The following KIF1B variants were observed in gnomAD, a reference collection of about 807,000 sequenced individuals.
The protein encoded by KIF1B is kinesin-like protein KIF1B.
Under a neutral mutation model 241.9 loss-of-function variants are expected in KIF1B, and 76 were observed. The ratio of observed to expected loss-of-function variants is 0.31; its 90% confidence interval spans 0.26 to 0.38. The LOEUF is 0.38. Among genes scored for constraint, KIF1B ranks in the 10% least tolerant of loss-of-function variants. The pLI is 1.00. For synonymous variants in KIF1B, 750 were observed against 796.7 expected (o/e 0.94, Z 0.99); for missense variants, 1,622 against 2,271.4 (o/e 0.71, Z 5.81).
At chr1:10,324,211 C>A in intron 25 of KIF1B, 149 bp downstream of exon 25, 1 of 756,328 alleles carries the variant, frequency 1.3e-6, no homozygotes, top group Admixed American at 2.2e-5. Flanking sequence ...AATGGTATTA[C>A]CATCCATCTG....
chr1:10,333,251 C>G (rs1223875457), intron 27 of KIF1B, among the ~76,000 whole-genome samples: 1 of 149,814 alleles, frequency 6.7e-6, no homozygotes, highest in Non-Finnish European at 1.5e-5. Flanking sequence ...CAGGGAGAAA[C>G]CCAGCCTACT....
intron 32 of KIF1B, among the ~76,000 whole-genome samples, chr1:10,341,523 G>A (rs935395344): frequency 6.6e-6 from 1 of 152,232 alleles, no homozygotes; most frequent in Non-Finnish European, 1.5e-5. Context: ...AGGACAACAG[G>A]GGCCAAGATC....
chr1:10,214,937 A>C (rs553189881), intron 1 of KIF1B, among the ~76,000 whole-genome samples: 1 of 151,560 alleles, frequency 6.6e-6, no homozygotes, highest in East Asian at 1.9e-4. Flanking sequence ...TTTTCATTTT[A>C]GTACAATTTA....
chr1:10,350,772 C>A (rs1652763782), intron 37 of KIF1B, among the ~76,000 whole-genome samples: 1 of 151,862 alleles, frequency 6.6e-6, no homozygotes, highest in African/African-American at 2.4e-5. Flanking sequence ...GAATTCTGTC[C>A]ACAGAGTGCT....
chr1:10,296,863 T>G (rs112743061), intron 20 of KIF1B, 34 bp from the exon 21 acceptor site: 1 of 1,591,090 alleles, frequency 6.3e-7, no homozygotes, highest in Non-Finnish European at 8.6e-7. Context: ...TTAAAAAAAT[T>G]ATTTCTTAAC....
chr1:10,358,558 A>G (rs1252742509), intron 38 of KIF1B, among the ~76,000 whole-genome samples: 1 of 151,862 alleles, frequency 6.6e-6, no homozygotes, highest in African/African-American at 2.4e-5. Context: ...ACAGGAACAC[A>G]ATAAAAGAGC....
chr1:10,376,796 A>C lies in KIF1B; in HGVS notation c.*209A>C. On this transcript the variant is annotated 3_prime_UTR_variant, in exon 49 of 49. Coordinates refer to ENST00000676179, the MANE Select transcript of KIF1B (RefSeq NM_001365951.3). ...TTTTTCTTGTGCTGAGAATCTCGTT[A>C]GTAGCATGTGGCCTAACAAAAGGAA... 7 of 572,774 alleles carry C rather than the reference A, an allele frequency of 1.2e-5. 1 individual carries two copies. Among genetic ancestry groups the C allele is most frequent in the South Asian group, 1.1e-4 (6 of 54,456 alleles). The allele number at this position is 572,774 out of a possible 1,614,324, so 35.5% of individuals were successfully genotyped here.
chr1:10,303,537 C>T lies in KIF1B; in HGVS notation c.2115+6291C>T. On this transcript the variant is annotated intron_variant, in intron 22 of 48. Coordinates refer to ENST00000676179, the MANE Select transcript of KIF1B (RefSeq NM_001365951.3). This position sits in a 1 kb window ranked among gnomAD's most constrained non-coding sequence, Gnocchi z 5.2. ...AGAAAGACCCCAATGAGCGGGACTC[C>T]TGGAGGGCAGTGGCCAGGGACGTCT... 6.2e-7 allele frequency: 1 copy of T among 1,614,146 alleles called. No individual in the cohort carries two copies.
At position 10,321,711 on chromosome 1, in the gene KIF1B, C is replaced by T; in HGVS notation, c.2212C>T (p.Pro738Ser). ...ATATGCATCATTCATTCTTTCAGTT[C>T]CTTGGACACAGCATGAATTTGAGTT... ...TEEEEEEEEV[P>S]WTQHEFELAQ... Residue 738 changes from proline to serine, a missense_variant and splice_region_variant, in exon 24 of 49, where the codon CCT (proline) becomes TCT (serine). Physicochemically the swap from Pro to Ser is moderately conservative, Grantham distance 74. This residue lies in a region of KIF1B where 803 missense variants were observed against 1,112.0 expected (regional missense o/e 0.72). Transcript: ENST00000676179. The T allele has an allele frequency of 1.2e-6, 2 of 1,613,966 alleles. No homozygotes were observed. Among genetic ancestry groups the T allele is most frequent in the Non-Finnish European group, 1.7e-6 (2 of 1,179,840 alleles).
chr1:10,220,097 G>A (rs1646821249), intron 1 of KIF1B, among the ~76,000 whole-genome samples: 1 of 151,756 alleles, frequency 6.6e-6, no homozygotes, highest in Non-Finnish European at 1.5e-5. Flanking sequence ...AGCTACTCGG[G>A]AGGCTGAAGT....
chr1:10,243,898 G>C (rs1004800781), intron 2 of KIF1B, among the ~76,000 whole-genome samples: 10 of 152,238 alleles, frequency 6.6e-5, no homozygotes, highest in Admixed American at 5.9e-4. Flanking sequence ...TGAAATCTAG[G>C]CCTTGCAAAT....
At chr1:10,233,108 C>T (rs1285363572) in intron 2 of KIF1B, among the ~76,000 whole-genome samples, 1 of 152,180 alleles carries the variant, frequency 6.6e-6, no homozygotes, top group Non-Finnish European at 1.5e-5. Flanking sequence ...GCACAAGTTA[C>T]TGCTGAAGTA....
In KIF1B at chr1:10,273,709, C is replaced by CAA. The variant is rs56349613; in HGVS notation, c.882+707_882+708dup. Among the ~76,000 whole-genome samples the CAA allele has an allele frequency of 4.7e-3, 234 of 49,560 alleles. 9 individuals are homozygous for CAA. Among genetic ancestry groups the CAA allele is most frequent in the African/African-American group, 0.012 (149 of 12,658 alleles). 32.5% of individuals were successfully genotyped at this position (49,560 alleles called of 152,430 possible). A position where few individuals can be genotyped will look rare whatever the true frequency, so the allele number is the denominator to read the frequency against. Reference sequence around the variant, plus strand: ...GCCTACTCCCTTTCCTCCTCCTCCTCAAAAAAAAAAAAAAAAAAAAAAAAA... The same window carrying CAA: ...GCCTACTCCCTTTCCTCCTCCTCCTCAAAAAAAAAAAAAAAAAAAAAAAAAAA... On this transcript the variant is annotated intron_variant, in intron 10 of 48. Transcript: ENST00000676179.
chr1:10,288,656 T>C (rs1300514056), intron 15 of KIF1B, among the ~76,000 whole-genome samples: 1 of 152,202 alleles, frequency 6.6e-6, no homozygotes, highest in Non-Finnish European at 1.5e-5. Flanking sequence ...CCTTCTTTAA[T>C]CTGTTTTGCT....
chr1:10,326,359 G>C lies in KIF1B; in HGVS notation c.2924G>C (p.Arg975Thr). ...TCCCCTTGGTTCATTTTAGTGGGAA[G>C]GTTGGTGAGGTTATTGTGAGAAAGG... ...DRSPWFILVGRAFVYLSNLLY... is the reference protein window; with the variant it reads ...DRSPWFILVGTAFVYLSNLLY... The change falls in exon 27 of 49, where the codon AGG becomes ACG. Residue 975 changes from arginine (R) to threonine (T), a missense_variant and splice_region_variant. Physicochemically the swap from Arg to Thr is moderately conservative, Grantham distance 71. Around this residue, in one of 7 missense-constraint regions of KIF1B, gnomAD observed 803 missense variants for 1,112.0 expected, o/e 0.72. Coordinates refer to ENST00000676179, the MANE Select transcript of KIF1B (RefSeq NM_001365951.3). The surrounding 1 kb of genome is among the most constrained non-coding windows in gnomAD (Gnocchi z 5.2). 6.2e-7 allele frequency: 1 copy of C among 1,614,166 alleles called. No individual in the cohort carries two copies. The highest frequency in any genetic ancestry group is 8.5e-7 in the Non-Finnish European group (1 of 1,180,050).
chr1:10,359,774 C>G (rs1467852287), intron 38 of KIF1B, among the ~76,000 whole-genome samples: 2 of 152,062 alleles, frequency 1.3e-5, no homozygotes, highest in East Asian at 3.9e-4. Flanking sequence ...TGGCTCACAC[C>G]TATAATCCCA....
At chr1:10,260,187 A>G (rs1648048477) in intron 4 of KIF1B, among the ~76,000 whole-genome samples, 1 of 152,226 alleles carries the variant, frequency 6.6e-6, no homozygotes, top group African/African-American at 2.4e-5. Flanking sequence ...AAACTTGTGT[A>G]GCATGCTACT....
chr1:10,263,458 G>C (rs570973934), intron 5 of KIF1B, among the ~76,000 whole-genome samples: 1 of 151,860 alleles, frequency 6.6e-6, no homozygotes, highest in East Asian at 1.9e-4. Context: ...CCTTTTAAGC[G>C]ATCTTGAGAT....
intron 43 of KIF1B, among the ~76,000 whole-genome samples, chr1:10,367,180 C>T (rs1638599308): frequency 6.6e-6 from 1 of 151,434 alleles, no homozygotes; most frequent in East Asian, 2.1e-4. Flanking sequence ...ACTGCAACCT[C>T]CACTTCCCAG....
Sources: gnomAD v4.1 joint callset for allele counts (sites outside exome capture counted in the v4.1 genomes callset) on GRCh38, gnomAD v4.1.1 for gene constraint, gnomAD v4.1.1 regional missense constraint, Gnocchi (gnomAD v3.1) non-coding constraint, MANE v1.5 for transcripts, NCBI Gene and HGNC (gene_info 2026-07-23, HGNC 2026-07-21) for gene names.